The following GPHN variants were observed in gnomAD, a reference collection of about 807,000 sequenced individuals.
The protein encoded by GPHN is gephyrin.
Under a neutral mutation model 95.5 loss-of-function variants are expected in GPHN, and 17 were observed. That is an observed-to-expected ratio of 0.18 (90% CI 0.12 to 0.27). The LOEUF is 0.27. GPHN is among the 10% of genes least tolerant of loss of function. The pLI is 1.00. For synonymous variants in GPHN, 320 were observed against 322.5 expected (o/e 0.99, Z 0.08); for missense variants, 660 against 978.1 (o/e 0.67, Z 4.34).
At chr14:67,541,778 G>A in the GPHN span, 2 of 1,245,828 alleles carry the variant, frequency 1.6e-6, no homozygotes, top group Non-Finnish European at 1.1e-6. Context: ...TTTCCCCACA[G>A]AACTCTTCCT....
At chr14:66,687,720 C>G (rs1361245599) in intron 2 of GPHN, among the ~76,000 whole-genome samples, 1 of 152,036 alleles carries the variant, frequency 6.6e-6, no homozygotes, top group Admixed American at 6.5e-5. Context: ...AACTCCTGAC[C>G]TCAGGTGATC....
the GPHN span, chr14:67,587,139 C>G: frequency 2.5e-6 from 4 of 1,613,974 alleles, no homozygotes; most frequent in African/African-American, 1.3e-5. Flanking sequence ...TGAACCCCCC[C>G]ACCAACCCAC....
intron 9 of GPHN, among the ~76,000 whole-genome samples, chr14:67,018,077 C>T (rs1490271021): frequency 6.6e-6 from 1 of 152,000 alleles, no homozygotes; most frequent in Non-Finnish European, 1.5e-5. Context: ...TACTTGGGGA[C>T]TCATATCAGT....
intron 1 of GPHN, among the ~76,000 whole-genome samples, chr14:66,568,307 T>C (rs1305048515): frequency 2.6e-5 from 4 of 152,178 alleles, no homozygotes. Context: ...AATATTGTTT[T>C]GTGTTTTTGG....
chr14:67,547,666 T>C, the GPHN span, among the ~76,000 whole-genome samples: 2 of 152,148 alleles, frequency 1.3e-5, no homozygotes, highest in African/African-American at 4.8e-5. Context: ...CCTGGGTGCT[T>C]CCCTGGGGGA....
chr14:67,724,674 T>C, the GPHN span: 1 of 1,083,992 alleles, frequency 9.2e-7, no homozygotes, highest in Non-Finnish European at 1.4e-6. Context: ...TTGCTTTGTG[T>C]TTCCTCCTAG....
the GPHN span, among the ~76,000 whole-genome samples, chr14:67,444,147 C>T: frequency 1.3e-5 from 2 of 152,204 alleles, no homozygotes; most frequent in Non-Finnish European, 2.9e-5. Context: ...ACATCTTACA[C>T]ATATGTATTG....
chr14:67,459,228 C>A, the GPHN span, among the ~76,000 whole-genome samples: 1 of 151,952 alleles, frequency 6.6e-6, no homozygotes, highest in South Asian at 2.1e-4. Context: ...GAAATGAGGT[C>A]TCATTATGTT....
At chr14:66,777,434 A>G (rs1362244159) in intron 3 of GPHN, among the ~76,000 whole-genome samples, 3 of 152,198 alleles carry the variant, frequency 2.0e-5, no homozygotes, top group African/African-American at 4.8e-5. Context: ...AACTATCCCA[A>G]TCAATAGAAA....
chr14:67,314,217 TGA>T, the GPHN span, among the ~76,000 whole-genome samples: 1 of 152,136 alleles, frequency 6.6e-6, no homozygotes, highest in Non-Finnish European at 1.5e-5. Context: ...AAAAAAAGAC[TGA>T]GAAATATTGA....
chr14:66,686,920 G>A (rs561007589), intron 2 of GPHN, among the ~76,000 whole-genome samples: 24 of 152,212 alleles, frequency 1.6e-4, no homozygotes, highest in African/African-American at 4.8e-4. Flanking sequence ...TTTGAGATAC[G>A]TCCCATCAAT....
In GPHN at chr14:66,518,101, A is replaced by G. The variant is rs568636042; in HGVS notation, c.64+9510A>G. ...CTCAAACATCTTAACAGCCAAATAA[A>G]TAAATAAATAAATAAATAAATAACC... On this transcript the variant is annotated intron_variant, in intron 1 of 22. Transcript: ENST00000478722. 2.0e-5 allele frequency among the ~76,000 whole-genome samples: 3 copies of G among 149,172 alleles called. No individual in the cohort carries two copies. In the East Asian group the frequency reaches 5.9e-4, roughly 29 times the overall value.
the GPHN span, among the ~76,000 whole-genome samples, chr14:67,234,195 A>G: frequency 6.6e-6 from 1 of 152,220 alleles, no homozygotes; most frequent in African/African-American, 2.4e-5. Context: ...TTCTAATCAG[A>G]CAGCTAGCAA....
At chr14:67,529,631 A>G in the GPHN span, among the ~76,000 whole-genome samples, 1 of 152,032 alleles carries the variant, frequency 6.6e-6, no homozygotes, top group Non-Finnish European at 1.5e-5. Flanking sequence ...CCTTCTCTGC[A>G]TGTCCAATCA....
intron 11 of GPHN, among the ~76,000 whole-genome samples, chr14:67,063,259 T>C (rs1362222080): frequency 6.6e-6 from 1 of 152,206 alleles, no homozygotes; most frequent in Admixed American, 6.5e-5. Context: ...TGGTGTTATT[T>C]CTGAGGCCTC....
chr14:66,961,947 T>C (rs1399542177), intron 8 of GPHN, among the ~76,000 whole-genome samples: 1,062 of 74,996 alleles, frequency 0.014, 20 homozygotes, highest in Middle Eastern at 0.035. Flanking sequence ...TATATATATA[T>C]ACACATATCT....
At chr14:66,525,702 T>C (rs1217881124) in intron 1 of GPHN, among the ~76,000 whole-genome samples, 1 of 152,216 alleles carries the variant, frequency 6.6e-6, no homozygotes, top group Admixed American at 6.5e-5. Flanking sequence ...GTTTCACTTT[T>C]ATGCATATGG....
chr14:67,108,668 C>T (rs2078181009), intron 13 of GPHN, among the ~76,000 whole-genome samples: 1 of 147,844 alleles, frequency 6.8e-6, no homozygotes, highest in African/African-American at 2.5e-5. Flanking sequence ...TTTGATTGTA[C>T]TTTCAGTAGT....
intron 8 of GPHN, among the ~76,000 whole-genome samples, chr14:66,949,816 G>C: frequency 6.6e-6 from 1 of 151,984 alleles, no homozygotes; most frequent in Middle Eastern, 3.4e-3. Context: ...AATATTCTTG[G>C]CATCAAATAT....
Sources: allele counts gnomAD v4.1 joint callset (sites outside exome capture counted in the v4.1 genomes callset), GRCh38; gene constraint gnomAD v4.1.1; transcripts MANE v1.5; gene names NCBI Gene and HGNC (gene_info 2026-07-23, HGNC 2026-07-21).